Variants in CACNA1C observed in about 807,000 individuals in gnomAD.
CACNA1C encodes the protein voltage-dependent L-type calcium channel subunit alpha-1C.
In CACNA1C, 30 loss-of-function variants were observed where a neutral mutation model predicts 229.0. That is an observed-to-expected ratio of 0.13 (90% CI 0.10 to 0.18). CACNA1C has a LOEUF of 0.18. Ranked by LOEUF, CACNA1C falls within the 10% of genes least tolerant of loss-of-function variation. The pLI is 1.00. For synonymous variants in CACNA1C, 1,114 were observed against 1,132.5 expected (o/e 0.98, Z 0.33); for missense variants, 1,658 against 2,845.0 (o/e 0.58, Z 9.49).
intron 3 of CACNA1C, among the ~76,000 whole-genome samples, chr12:2,258,411 T>C (rs1163572624): frequency 6.6e-6 from 1 of 152,148 alleles, no homozygotes; most frequent in Admixed American, 6.5e-5. Flanking sequence ...TGAAAACTCA[T>C]TTTTTCCTCA....
chr12:2,008,106 C>A lies in CACNA1C; in HGVS notation c.139+36905C>A, dbSNP rs563602459. ...AAATAGTATGTTTCATAAAGTTTTA[C>A]TTATTTATTTATTTATTTATTTATT... On this transcript the variant is annotated intron_variant, in intron 1 of 46. Transcript: ENST00000682462. Among the ~76,000 whole-genome samples the A allele has an allele frequency of 2.0e-5, 3 of 151,934 alleles. No individual in the cohort carries two copies. The East Asian group carries it at 5.8e-4, about 29-fold the overall frequency.
chr12:2,539,036 T>C (rs1305467327), intron 9 of CACNA1C, among the ~76,000 whole-genome samples: 1 of 152,238 alleles, frequency 6.6e-6, no homozygotes, highest in Non-Finnish European at 1.5e-5. Context: ...ACTCAAGACC[T>C]GTCATTCTCT....
rs147571045 is a variant in CACNA1C, at chr12:2,306,469, A to G, written c.478-142507A>G. On this transcript the variant is annotated intron_variant, in intron 3 of 46. Coordinates refer to ENST00000399655, the MANE Select transcript of CACNA1C (RefSeq NM_000719.7). ...CTAGTTTGAATCCTAGCACTTACAC[A>G]GTCATAAAGTTAAGTCCTTGTGGTC... is the stretch of plus-strand genomic sequence containing the variant. Among the ~76,000 whole-genome samples the G allele has an allele frequency of 1.9e-3, 286 of 152,314 alleles. 1 individual carries two copies. The highest frequency in any genetic ancestry group is 6.6e-3 in the African/African-American group (276 of 41,582).
At chr12:2,075,714 T>C (rs1476173461) in intron 1 of CACNA1C, among the ~76,000 whole-genome samples, 6 of 152,216 alleles carry the variant, frequency 3.9e-5, no homozygotes, top group Non-Finnish European at 8.8e-5. Context: ...GTGGCGTCAG[T>C]ACCATGGACT....
chr12:2,555,077 G>A (rs973519459), intron 10 of CACNA1C, among the ~76,000 whole-genome samples: 4 of 152,212 alleles, frequency 2.6e-5, no homozygotes, highest in African/African-American at 7.2e-5. Context: ...TGTCCATTTC[G>A]TGCTCAGAAT....
chr12:2,645,626 G>A (rs1179479254), intron 30 of CACNA1C, among the ~76,000 whole-genome samples: 1 of 152,176 alleles, frequency 6.6e-6, no homozygotes, highest in Non-Finnish European at 1.5e-5. Context: ...TGTAGGAAAC[G>A]CCCAGGGCAT....
chr12:2,407,660 TGCGGTGG>T, intron 3 of CACNA1C, among the ~76,000 whole-genome samples: 1 of 78,652 alleles, frequency 1.3e-5, no homozygotes, highest in Non-Finnish European at 2.8e-5. Context: ...CTGATAAGTG[TGCGGTGG>T]ACATCGTCTC....
At chr12:2,293,961 C>A (rs1016041872) in intron 3 of CACNA1C, among the ~76,000 whole-genome samples, 1 of 152,078 alleles carries the variant, frequency 6.6e-6, no homozygotes, top group African/African-American at 2.4e-5. Context: ...AATAGCAAGT[C>A]TTCTTTTGTG....
intron 30 of CACNA1C, among the ~76,000 whole-genome samples, chr12:2,641,977 C>T (rs919751052): frequency 2.0e-5 from 3 of 151,708 alleles, no homozygotes; most frequent in Non-Finnish European, 4.4e-5. Context: ...AGGTCTAGGG[C>T]GAGGCTTGTT....
At chr12:2,326,551 A>G (rs540518115) in intron 3 of CACNA1C, among the ~76,000 whole-genome samples, 31 of 152,302 alleles carry the variant, frequency 2.0e-4, no homozygotes, top group African/African-American at 6.7e-4. Context: ...AGGGGCTGCC[A>G]CTGCCCTTGG....
In CACNA1C at chr12:2,584,472, G is replaced by C. The variant is rs763099434; in HGVS notation, c.2225-31G>C. ...GTGCCCACCAAAACCCCAAACCAAG[G>C]GTCATTTTCTTTAAGAATGGACACA... On this transcript the variant is annotated intron_variant, in intron 15 of 46. Coordinates refer to ENST00000399655, the MANE Select transcript of CACNA1C (RefSeq NM_000719.7). 7 of 1,548,316 alleles carry C rather than the reference G, an allele frequency of 4.5e-6. No homozygotes were observed. The South Asian group carries it at 7.8e-5, about 17-fold the overall frequency.
In CACNA1C at chr12:2,393,568, C is replaced by A. The variant is rs61907801; in HGVS notation, c.478-55408C>A. Among the ~76,000 whole-genome samples the A allele has an allele frequency of 5.1e-3, 779 of 152,322 alleles. 3 individuals carry two copies. Among genetic ancestry groups the A allele is most frequent in the Middle Eastern group, 0.01 (3 of 294 alleles). On this transcript the variant is annotated intron_variant, in intron 3 of 46. Coordinates refer to ENST00000399655, the MANE Select transcript of CACNA1C (RefSeq NM_000719.7). ...CTGAGGGCAAGCCATAGAACTTCTC[C>A]GAGCCTCTGTTTCTAGTCTGCAAAA...
chr12:2,581,848 G>C, intron 14 of CACNA1C, 51 bp downstream of exon 14: 1 of 1,163,578 alleles, frequency 8.6e-7, no homozygotes, highest in Middle Eastern at 2.6e-4. Context: ...TGAGTGGCGG[G>C]GTGGTGGGAG....
chr12:2,244,127 C>T (rs1222875140), intron 3 of CACNA1C, among the ~76,000 whole-genome samples: 1 of 152,254 alleles, frequency 6.6e-6, no homozygotes, highest in Non-Finnish European at 1.5e-5. Context: ...CCCTGCTGCT[C>T]TTGGCTCAGA....
intron 3 of CACNA1C, among the ~76,000 whole-genome samples, chr12:2,426,914 C>T (rs569592444): frequency 3.9e-5 from 6 of 152,346 alleles, no homozygotes; most frequent in East Asian, 3.9e-4. Flanking sequence ...ACGTGGCCTA[C>T]GCTTAGCTGT....
At chr12:2,463,048 G>A (rs1037231429) in intron 5 of CACNA1C, among the ~76,000 whole-genome samples, 2 of 151,426 alleles carry the variant, frequency 1.3e-5, no homozygotes, top group African/African-American at 2.4e-5. Context: ...GAGTAGCTGG[G>A]ACTATAGGCA....
intron 3 of CACNA1C, among the ~76,000 whole-genome samples, chr12:2,439,659 C>T (rs888698722): frequency 2.0e-5 from 3 of 151,964 alleles, no homozygotes; most frequent in Non-Finnish European, 4.4e-5. Context: ...GGCAACTAAG[C>T]CATTTCAACT....
chr12:2,359,305 C>T (rs1388190146), intron 3 of CACNA1C, among the ~76,000 whole-genome samples: 5 of 152,194 alleles, frequency 3.3e-5, no homozygotes, highest in Non-Finnish European at 7.3e-5. Context: ...TCCTTCCTGG[C>T]TTTCCAGTGA....
intron 3 of CACNA1C, among the ~76,000 whole-genome samples, chr12:2,125,980 T>C (rs1474351962): frequency 1.3e-5 from 2 of 152,276 alleles, no homozygotes; most frequent in South Asian, 4.1e-4. Context: ...TTCACATCTG[T>C]GCTTGCTCCT....
Sources: allele counts gnomAD v4.1 joint callset (sites outside exome capture counted in the v4.1 genomes callset), GRCh38; gene constraint gnomAD v4.1.1; transcripts MANE v1.5; gene names NCBI Gene and HGNC (gene_info 2026-07-23, HGNC 2026-07-21).